Variants in CIBAR1 observed in about 807,000 individuals in gnomAD.
CIBAR1 encodes CBY1-interacting BAR domain-containing protein 1.
Under a neutral mutation model 44.0 loss-of-function variants are expected in CIBAR1, and 25 were observed. That is an observed-to-expected ratio of 0.57 (90% CI 0.41 to 0.79). The LOEUF (loss-of-function observed/expected upper bound fraction) is 0.79. Among genes scored for constraint, CIBAR1 ranks in the 30% least tolerant of loss-of-function variants. CIBAR1 has a pLI of 0.00. For missense variants in CIBAR1, 278 were observed against 344.8 expected (o/e 0.81, Z 1.53); for synonymous variants, 115 against 119.0 (o/e 0.97, Z 0.22).
At chr8:93,704,594 C>G (rs557060968) in intron 3 of CIBAR1, among the ~76,000 whole-genome samples, 1 of 152,284 alleles carries the variant, frequency 6.6e-6, no homozygotes, top group East Asian at 1.9e-4. Flanking sequence ...TTTAAGTGAT[C>G]ATTGAGTTTT....
chr8:93,721,492 A>T (rs1160516116), intron 7 of CIBAR1, among the ~76,000 whole-genome samples: 2 of 152,190 alleles, frequency 1.3e-5, no homozygotes, highest in African/African-American at 4.8e-5. Context: ...GAAGAGCTCT[A>T]TGTAAAACTA....
chr8:93,710,351 GT>G lies in CIBAR1; in HGVS notation c.543+486del, dbSNP rs374527813. On this transcript the variant is annotated intron_variant, in intron 6 of 8. Coordinates refer to ENST00000518322, the MANE Select transcript of CIBAR1 (RefSeq NM_145269.5). ...AAAATATTACAAATAAAATGTATTG[GT>G]TTTTTTTTTAGTAGAAACAGTGATA... Among the ~76,000 whole-genome samples, 6 of 148,384 alleles carry G rather than the reference GT, an allele frequency of 4.0e-5. No homozygotes were observed. The South Asian group carries it at 8.6e-4, about 21-fold the overall frequency.
chr8:93,722,693 C>CT (rs1374139452), intron 7 of CIBAR1, among the ~76,000 whole-genome samples: 2 of 151,484 alleles, frequency 1.3e-5, no homozygotes, highest in Non-Finnish European at 1.5e-5. Flanking sequence ...GGGTGAGACT[C>CT]TATCTCACAA....
chr8:93,718,342 G>A (rs1406778173), intron 6 of CIBAR1, among the ~76,000 whole-genome samples: 1 of 152,130 alleles, frequency 6.6e-6, no homozygotes, highest in Non-Finnish European at 1.5e-5. Flanking sequence ...TACTTAATAA[G>A]CATATGGTAT....
rs771246265 is a variant in CIBAR1 at position 93,701,387 on chromosome 8, C to T, written c.190C>T (p.Pro64Ser). The T allele has an allele frequency of 1.2e-6, 2 of 1,613,762 alleles. No homozygotes were observed. The highest frequency in any genetic ancestry group is 1.7e-6 in the Non-Finnish European group (2 of 1,179,862). The change falls in exon 2 of 9, where the codon CCG becomes TCG. Residue 64 changes from proline to serine, a missense_variant. By Grantham distance (74) the Pro-to-Ser change is moderately conservative. This residue lies in a region of CIBAR1 where 183 missense variants were observed against 218.6 expected (regional missense o/e 0.84). Coordinates refer to ENST00000518322, the MANE Select transcript of CIBAR1 (RefSeq NM_145269.5). ...TAACGCGTATGCTGCTACAGAGACC[C>T]CGCATTTAAAGCTGGGCCTGATGAA... The part of the protein sequence containing the change: ...EINAYAATET[P>S]HLKLGLMNFA...
intron 2 of CIBAR1, chr8:93,702,374 A>G (rs2130273782): frequency 2.6e-6 from 1 of 385,408 alleles, no homozygotes; most frequent in East Asian, 7.4e-5. Flanking sequence ...AAGATAATTT[A>G]TATTCACAGG....
At chr8:93,723,999 AAGC>A (rs1168602470) in intron 7 of CIBAR1, among the ~76,000 whole-genome samples, 1 of 152,230 alleles carries the variant, frequency 6.6e-6, no homozygotes, top group Non-Finnish European at 1.5e-5. Context: ...CGGGAGGCTG[AAGC>A]AGGAGGATTG....
At chr8:93,703,063 A>G (rs6471393) in intron 2 of CIBAR1, among the ~76,000 whole-genome samples, 108,387 of 152,020 alleles carry the variant, frequency 0.71, 39,056 homozygotes, top group African/African-American at 0.79. Flanking sequence ...ACAGAGATGA[A>G]ACATACAGTT....
chr8:93,707,202 A>G, intron 4 of CIBAR1: 1 of 423,794 alleles, frequency 2.4e-6, no homozygotes, highest in Non-Finnish European at 4.7e-6. Flanking sequence ...TATATTATAG[A>G]ATTTTGAAGA....
Position 93,724,598 on chromosome 8 carries a change from G to A in CIBAR1, c.658-1796G>A, listed in dbSNP as rs745841309. The A allele has an allele frequency of 7.9e-6, 10 of 1,264,264 alleles. No individual in the cohort carries two copies. In the Admixed American group the frequency reaches 1.5e-4, roughly 18 times the overall value. The allele number at this position is 1,264,264 out of a possible 1,614,324, so 78.3% of individuals were successfully genotyped here. ...GCGTTGGCCTCCCAAAGTGTCAGGT[G>A]AGAAATTTAGGGAGAATGCCCAGGC... On this transcript the variant is annotated intron_variant, in intron 7 of 8. Transcript: ENST00000518322.
chr8:93,726,785 T>A (rs1811529528), intron 8 of CIBAR1: 1 of 396,314 alleles, frequency 2.5e-6, no homozygotes, highest in African/African-American at 2.1e-5. Context: ...AGATGTGTTA[T>A]CTGCTATAAT....
intron 8 of CIBAR1, among the ~76,000 whole-genome samples, chr8:93,727,590 G>C (rs1387501676): frequency 3.3e-5 from 5 of 152,150 alleles, no homozygotes; most frequent in African/African-American, 4.8e-5. Context: ...GCAGATATTA[G>C]CATCCCCCGC....
At chr8:93,702,708 A>G (rs2130275530) in intron 2 of CIBAR1, among the ~76,000 whole-genome samples, 1 of 152,078 alleles carries the variant, frequency 6.6e-6, no homozygotes, top group East Asian at 1.9e-4. Context: ...TATTTTCCTA[A>G]CATGTTTTAA....
At position 93,704,552 on chromosome 8, in the gene CIBAR1, C is replaced by T. The variant is rs1026256976; in HGVS notation, c.331-357C>T. 3.9e-5 allele frequency among the ~76,000 whole-genome samples: 6 copies of T among 152,238 alleles called. No homozygotes were observed. The East Asian group carries it at 1.2e-3, about 29-fold the overall frequency. ...TCCTAATAGGCCTGGGGGTTGGGAG[C>T]CCTTGATTTATGTGCGATAAAATTC... On this transcript the variant is annotated intron_variant, in intron 3 of 8. Transcript: ENST00000518322.
At chr8:93,717,621 A>G (rs1811083685) in intron 6 of CIBAR1, among the ~76,000 whole-genome samples, 1 of 152,178 alleles carries the variant, frequency 6.6e-6, no homozygotes, top group African/African-American at 2.4e-5. Context: ...CAGGCCACTG[A>G]TAAGTATCTA....
At chr8:93,727,649 C>A (rs1234128785) in intron 8 of CIBAR1, among the ~76,000 whole-genome samples, 4 of 152,212 alleles carry the variant, frequency 2.6e-5, no homozygotes, top group African/African-American at 9.7e-5. Context: ...AGCCCCAATA[C>A]TGACAAACAA....
In CIBAR1 at chr8:93,705,048, G is replaced by A. The variant is rs781126932; in HGVS notation, c.432+38G>A. 2.6e-5 allele frequency: 35 copies of A among 1,368,612 alleles called. 2 individuals carry two copies. The South Asian group carries it at 3.8e-4, about 15-fold the overall frequency. The allele number at this position is 1,368,612 out of a possible 1,614,324, so 84.8% of individuals were successfully genotyped here. On this transcript the variant is annotated intron_variant, in intron 4 of 8. Coordinates refer to ENST00000518322, the MANE Select transcript of CIBAR1 (RefSeq NM_145269.5). ...TTTGGGTCTTTAAAAAAATGTTTAA[G>A]GTATGGAGTACAAAAGTAAATGTAT...
chr8:93,718,039 A>G (rs951509860), intron 6 of CIBAR1, among the ~76,000 whole-genome samples: 5 of 152,200 alleles, frequency 3.3e-5, no homozygotes, highest in Non-Finnish European at 7.3e-5. Flanking sequence ...GGCAATAGCA[A>G]AAAAACCTTA....
At position 93,713,837 on chromosome 8, in the gene CIBAR1, A is replaced by G. The variant is rs556877316; in HGVS notation, c.543+3962A>G. On this transcript the variant is annotated intron_variant, in intron 6 of 8. Coordinates refer to ENST00000518322, the MANE Select transcript of CIBAR1 (RefSeq NM_145269.5). ...TTCCTTTTCATTGATCTATGTGTCT[A>G]TCCTTATGTCAATACCACACTGTCC... 4.6e-5 allele frequency among the ~76,000 whole-genome samples: 7 copies of G among 152,274 alleles called. No individual in the cohort carries two copies. The South Asian group carries it at 1.2e-3, about 27-fold the overall frequency.
Sources: gnomAD v4.1 joint callset for allele counts (sites outside exome capture counted in the v4.1 genomes callset) on GRCh38, gnomAD v4.1.1 for gene constraint, gnomAD v4.1.1 regional missense constraint, MANE v1.5 for transcripts, NCBI Gene and HGNC (gene_info 2026-07-23, HGNC 2026-07-21) for gene names.